Variants in PLCB4 observed in about 807,000 individuals in gnomAD.
PLCB4 encodes the protein phospholipase C beta 4, also known as 1-phosphatidylinositol 4,5-bisphosphate phosphodiesterase beta-4.
In PLCB4, 77 loss-of-function variants were observed where a neutral mutation model predicts 178.8. The observed-to-expected ratio is 0.43, with a 90% confidence interval of 0.36 to 0.52. The LOEUF (loss-of-function observed/expected upper bound fraction) is 0.52. Among genes scored for constraint, PLCB4 ranks in the 20% least tolerant of loss-of-function variants. PLCB4 has a pLI of 0.00. For missense variants in PLCB4, 1,024 were observed against 1,453.4 expected, an observed-to-expected ratio of 0.70 and a Z score of 4.80; for synonymous variants, 496 against 490.8, an observed-to-expected ratio of 1.01 and a Z score of -0.14.
At chr20:9,186,638 G>A (rs988293051) in intron 2 of PLCB4, among the ~76,000 whole-genome samples, 1 of 152,090 alleles carries the variant, frequency 6.6e-6, no homozygotes, top group Admixed American at 6.5e-5. Flanking sequence ...CAACTCAAGC[G>A]GTTTGCCATG....
chr20:9,368,866 T>G (rs1353317834), intron 9 of PLCB4, among the ~76,000 whole-genome samples: 1 of 152,128 alleles, frequency 6.6e-6, no homozygotes, highest in African/African-American at 2.4e-5. Flanking sequence ...TTTTGGGGAA[T>G]GGGGGTGGTT....
chr20:9,395,427 T>C, intron 18 of PLCB4, 96 bp from the exon 19 acceptor site: 1 of 791,808 alleles, frequency 1.3e-6, no homozygotes, highest in East Asian at 2.5e-5. Context: ...CTATTTCTTC[T>C]CTCTTTTCAC....
At chr20:9,215,408 CT>C (rs2093719257) in intron 2 of PLCB4, among the ~76,000 whole-genome samples, 1 of 152,106 alleles carries the variant, frequency 6.6e-6, no homozygotes, top group Non-Finnish European at 1.5e-5. Context: ...GAATATTCAA[CT>C]TCTTCATTCC....
intron 2 of PLCB4, among the ~76,000 whole-genome samples, chr20:9,194,771 A>G (rs1568930544): frequency 6.6e-6 from 1 of 151,598 alleles, no homozygotes; most frequent in Non-Finnish European, 1.5e-5. Flanking sequence ...GTAAAATTGT[A>G]TCTCTCATAA....
chr20:9,476,797 G>A (rs199921886), intron 39 of PLCB4, 44 bp downstream of exon 39: 32 of 1,341,400 alleles, frequency 2.4e-5, no homozygotes, highest in African/African-American at 4.3e-5. Flanking sequence ...TTTCCTTCTC[G>A]ACTACGTCCG....
At chr20:9,119,528 A>C (rs2091891660) in intron 2 of PLCB4, among the ~76,000 whole-genome samples, 2 of 151,958 alleles carry the variant, frequency 1.3e-5, no homozygotes, top group South Asian at 4.2e-4. Flanking sequence ...GAAAAAAAAA[A>C]AAAACAAAGT....
At chr20:9,317,705 A>G (rs550166785) in intron 4 of PLCB4, among the ~76,000 whole-genome samples, 1 of 152,350 alleles carries the variant, frequency 6.6e-6, no homozygotes, top group South Asian at 2.1e-4. Context: ...GACAGGAAGA[A>G]AGTATGGAAA....
At chr20:9,139,925 G>T (rs556383452) in intron 2 of PLCB4, among the ~76,000 whole-genome samples, 1 of 152,034 alleles carries the variant, frequency 6.6e-6, no homozygotes, top group Non-Finnish European at 1.5e-5. Context: ...CTTTGAAGGG[G>T]CTGAGGTGGG....
chr20:9,163,085 A>T (rs1275519717), intron 2 of PLCB4, among the ~76,000 whole-genome samples: 1 of 152,168 alleles, frequency 6.6e-6, no homozygotes, highest in African/African-American at 2.4e-5. Flanking sequence ...TGGCTCAGCC[A>T]CTGATTTTAG....
chr20:9,383,248 G>A (rs1030153384), intron 13 of PLCB4, among the ~76,000 whole-genome samples: 1 of 152,176 alleles, frequency 6.6e-6, no homozygotes, highest in Admixed American at 6.5e-5. Context: ...TGGAATTGAG[G>A]TGGGGTATAC....
At chr20:9,209,202 G>A (rs1196892574) in intron 2 of PLCB4, among the ~76,000 whole-genome samples, 1 of 152,194 alleles carries the variant, frequency 6.6e-6, no homozygotes, top group Non-Finnish European at 1.5e-5. Context: ...TGCAGTAGAT[G>A]TGGAAGTCCA....
intron 7 of PLCB4, among the ~76,000 whole-genome samples, chr20:9,360,237 G>A (rs1479786102): frequency 6.6e-6 from 1 of 152,178 alleles, no homozygotes; most frequent in Admixed American, 6.5e-5. Context: ...GAGGATGCTG[G>A]TGGCATTTCC....
In PLCB4 at chr20:9,393,440, G is replaced by A. The variant is rs1279574270; in HGVS notation, c.1324-148G>A. 1.5e-5 allele frequency: 9 copies of A among 589,770 alleles called. No individual in the cohort carries two copies. In the East Asian group the frequency reaches 2.5e-4, roughly 17 times the overall value. The allele number at this position is 589,770 out of a possible 1,614,324, so 36.5% of individuals were successfully genotyped here. A position where few individuals can be genotyped will look rare whatever the true frequency, so the allele number is the denominator to read the frequency against. ...CTCAATGGGTGTGCTAATTTGGGTT[G>A]GGGAGTGAAAACAGAAGGCTGTGCC... On this transcript the variant is annotated intron_variant, in intron 17 of 39. Transcript: ENST00000378473.
intron 2 of PLCB4, among the ~76,000 whole-genome samples, chr20:9,131,003 C>A (rs1372585552): frequency 2.0e-5 from 3 of 152,128 alleles, no homozygotes; most frequent in Non-Finnish European, 4.4e-5. Context: ...TCATGGCCAG[C>A]ATGTAACAGC....
intron 2 of PLCB4, among the ~76,000 whole-genome samples, chr20:9,139,119 C>G (rs1230368056): frequency 6.6e-6 from 1 of 152,168 alleles, no homozygotes; most frequent in African/African-American, 2.4e-5. Context: ...TAAGCTTATA[C>G]TCCCTGTCAT....
At chr20:9,167,178 G>A (rs1275147997) in intron 2 of PLCB4, among the ~76,000 whole-genome samples, 6 of 151,910 alleles carry the variant, frequency 3.9e-5, no homozygotes, top group African/African-American at 1.2e-4. Context: ...AATTAACTGT[G>A]TGTGGGGACA....
chr20:9,382,069 G>A lies in PLCB4; in HGVS notation c.853+1907G>A, dbSNP rs575920590. On this transcript the variant is annotated intron_variant, in intron 13 of 39. Coordinates refer to ENST00000378473, the MANE Select transcript of PLCB4 (RefSeq NM_001377142.1). ...CCAATGTATATATACAACATATTTC[G>A]ATCCTTCCTACCCCTAGATATGTTC... is the stretch of plus-strand genomic sequence containing the variant. Among the ~76,000 whole-genome samples, 12 of 152,178 alleles carry A rather than the reference G, an allele frequency of 7.9e-5. No homozygotes were observed. In the East Asian group the frequency reaches 2.3e-3, roughly 29 times the overall value.
intron 3 of PLCB4, among the ~76,000 whole-genome samples, chr20:9,234,858 G>A (rs1197955385): frequency 6.6e-6 from 1 of 152,126 alleles, no homozygotes; most frequent in Non-Finnish European, 1.5e-5. Flanking sequence ...ACCCAAAGAA[G>A]GGTTACTGGA....
chr20:9,352,406 T>C (rs1162266475), intron 7 of PLCB4, among the ~76,000 whole-genome samples: 1 of 152,232 alleles, frequency 6.6e-6, no homozygotes, highest in African/African-American at 2.4e-5. Context: ...CAATAGGACA[T>C]TGCTACAGGG....
Sources: gnomAD v4.1 joint callset for allele counts (sites outside exome capture counted in the v4.1 genomes callset) on GRCh38, gnomAD v4.1.1 for gene constraint, MANE v1.5 for transcripts, NCBI Gene and HGNC (gene_info 2026-07-23, HGNC 2026-07-21) for gene names.